The following PLK1 variants were observed in gnomAD, a reference collection of about 807,000 sequenced individuals.
PLK1 encodes the protein serine/threonine-protein kinase PLK1.
A neutral mutation model predicts 56.7 loss-of-function variants in PLK1; 6 were observed. The ratio of observed to expected loss-of-function variants is 0.11; its 90% CI spans 0.06 to 0.21. The LOEUF (loss-of-function observed/expected upper bound fraction) is 0.21. Among genes scored for constraint, PLK1 ranks in the 10% least tolerant of loss-of-function variants. The pLI is 1.00. For synonymous variants in PLK1, 298 were observed against 325.0 expected, an observed-to-expected ratio of 0.92 and a Z score of 0.89; for missense variants, 546 against 814.4, an observed-to-expected ratio of 0.67 and a Z score of 4.01.
At position 23,687,577 on chromosome 16, in the gene PLK1, A is replaced by G; in HGVS notation, c.1145A>G (p.His382Arg). ...CTCAGTGACATGCTGCAGCAGCTGC[A>G]CAGTGTCAATGCCTCCAAGCCCTCG... ...CHLSDMLQQL[H>R]SVNASKPSER... The change falls in exon 6 of 10, where the codon CAC becomes CGC. Residue 382 changes from histidine to arginine, a missense_variant. Coordinates refer to ENST00000300093, the MANE Select transcript of PLK1 (RefSeq NM_005030.6). 6.2e-7 allele frequency: 1 copy of G among 1,603,882 alleles called. No individual in the cohort carries two copies. The highest frequency in any genetic ancestry group is 8.5e-7 in the Non-Finnish European group (1 of 1,174,238).
In PLK1 at chr16:23,687,456, G is replaced by T; in HGVS notation, c.1037-13G>T. 1.9e-6 allele frequency: 3 copies of T among 1,541,146 alleles called. No individual in the cohort carries two copies. The highest frequency in any genetic ancestry group is 2.6e-6 in the Non-Finnish European group (3 of 1,133,980). ...TGCCCTTCCCAACGCCCCTGTTTTT[G>T]TCACCTTCCTAGGCTTGGAGAACCC... On this transcript the variant is annotated splice_polypyrimidine_tract_variant and intron_variant, in intron 5 of 9. Transcript: ENST00000300093.
In PLK1 at chr16:23,689,748, G is replaced by A; in HGVS notation, c.1608+72G>A. On this transcript the variant is annotated intron_variant, in intron 9 of 9. Coordinates refer to ENST00000300093, the MANE Select transcript of PLK1 (RefSeq NM_005030.6). The surrounding 1 kb of genome is among the most constrained non-coding windows in gnomAD (Gnocchi z 4.8). Reference sequence around the variant, plus strand: ...GCATGCCTGGCAGTGGCCCATGTGGGTTGAATGTGGAGTGAGCGGCTCAGG... The same window carrying A: ...GCATGCCTGGCAGTGGCCCATGTGGATTGAATGTGGAGTGAGCGGCTCAGG... The A allele has an allele frequency of 6.5e-7, 1 of 1,543,326 alleles. No individual in the cohort carries two copies. Among genetic ancestry groups the A allele is most frequent in the Admixed American group, 1.7e-5 (1 of 58,134 alleles).
At chr16:23,683,414 A>G (rs984156790) in intron 4 of PLK1, among the ~76,000 whole-genome samples, 2 of 152,208 alleles carry the variant, frequency 1.3e-5, no homozygotes, top group African/African-American at 4.8e-5. Flanking sequence ...GAGGCCTGTC[A>G]CCATAAGGAC....
In PLK1 at chr16:23,679,073, A is replaced by G. The variant is rs776851865; in HGVS notation, c.141A>G (p.Pro47=). 3 of 1,606,240 alleles carry G rather than the reference A, an allele frequency of 1.9e-6. No homozygotes were observed. Among genetic ancestry groups the G allele is most frequent in the Non-Finnish European group, 2.6e-6 (3 of 1,174,326 alleles). Residue 47 remains proline (P), a synonymous_variant, in exon 1 of 10, where the codon CCA becomes CCG. Coordinates refer to ENST00000300093, the MANE Select transcript of PLK1 (RefSeq NM_005030.6). ...AGATCCCGGAGGTCCTAGTGGACCC[A>G]CGCAGCCGGCGGCGCTATGTGCGGG... is the stretch of plus-strand genomic sequence containing the variant. ...AKEIPEVLVD[P]RSRRRYVRGR...
rs772035502 is a variant in PLK1 at position 23,689,975 on chromosome 16, A to T, written c.1724A>T (p.Glu575Val). Residue 575 changes from glutamate (E) to valine (V), a missense_variant, in exon 10 of 10, where the codon GAG becomes GTG. This residue lies in a region of PLK1 where 72 missense variants were observed against 77.9 expected (regional missense o/e 0.92). Coordinates refer to ENST00000300093, the MANE Select transcript of PLK1 (RefSeq NM_005030.6). The surrounding 1 kb of genome is among the most constrained non-coding windows in gnomAD (Gnocchi z 4.8). ...SLLEEYGCCK[E>V]LASRLRYART... Reference sequence around the variant, plus strand: ...CTGGAGGAGTACGGCTGCTGCAAGGAGCTGGCCAGCCGGCTCCGCTACGCC... The same window carrying T: ...CTGGAGGAGTACGGCTGCTGCAAGGTGCTGGCCAGCCGGCTCCGCTACGCC... The T allele has an allele frequency of 1.7e-5, 27 of 1,613,800 alleles. No individual in the cohort carries two copies. Among genetic ancestry groups the T allele is most frequent in the Non-Finnish European group, 2.1e-5 (25 of 1,179,976 alleles).
At chr16:23,684,480 G>T (rs968259074) in intron 5 of PLK1, among the ~76,000 whole-genome samples, 6 of 152,150 alleles carry the variant, frequency 3.9e-5, no homozygotes, top group African/African-American at 1.4e-4. Flanking sequence ...AGCCTCCCAA[G>T]TAGCTGGGAC....
chr16:23,687,810 T>C (rs1266253839), intron 6 of PLK1, 186 bp downstream of exon 6: 3 of 405,370 alleles, frequency 7.4e-6, no homozygotes, highest in African/African-American at 4.1e-5. Context: ...CTGATCCGTC[T>C]TTTTTACTCT....
chr16:23,681,988 C>G, intron 3 of PLK1, 76 bp from the exon 4 acceptor site: 2 of 824,116 alleles, frequency 2.4e-6, no homozygotes, highest in Non-Finnish European at 4.2e-6. Flanking sequence ...GACCTTTGTT[C>G]TGACCCTGAG....
intron 1 of PLK1, 168 bp downstream of exon 1, chr16:23,679,508 C>T (rs1315753724): frequency 4.9e-6 from 3 of 617,708 alleles, no homozygotes; most frequent in East Asian, 5.7e-5. Context: ...TTGGTAAGGG[C>T]TTCTTGGCTC....
In PLK1 at chr16:23,688,663, C is replaced by T. The variant is rs1282297169; in HGVS notation, c.1193-5C>T. The T allele has an allele frequency of 1.3e-5, 21 of 1,610,898 alleles. No homozygotes were observed. Among genetic ancestry groups the T allele is most frequent in the Non-Finnish European group, 1.7e-5 (20 of 1,177,092 alleles). ...CAACTAACTGTCTGTCTGTTTCTGT[C>T]TCAGAGGAGGCTGAGGATCCTGCCT... On this transcript the variant is annotated splice_region_variant and splice_polypyrimidine_tract_variant and intron_variant, in intron 6 of 9. Transcript: ENST00000300093.
At position 23,680,229 on chromosome 16, in the gene PLK1, A is replaced by G. The variant is rs771722070; in HGVS notation, c.554A>G (p.Asn185Ser). ...CTCAAGCTGGGCAACCTTTTCCTGA[A>G]TGAAGATCTGGAGGTGAAAATAGGT... ...RDLKLGNLFLNEDLEVKIGDF... is the reference protein window; with the variant it reads ...RDLKLGNLFLSEDLEVKIGDF... The change falls in exon 2 of 10, where the codon AAT becomes AGT. Residue 185 changes from asparagine (N) to serine (S), a missense_variant. Coordinates refer to ENST00000300093, the MANE Select transcript of PLK1 (RefSeq NM_005030.6). The G allele has an allele frequency of 2.5e-6, 4 of 1,614,060 alleles. No homozygotes were observed. Among genetic ancestry groups the G allele is most frequent in the Non-Finnish European group, 3.4e-6 (4 of 1,179,970 alleles).
In PLK1 at chr16:23,679,039, C is replaced by T. The variant is rs983282909; in HGVS notation, c.107C>T (p.Pro36Leu). ...CCCGGAGCTCCGGCGGCGGCTCCACCGGCGAAAGAGATCCCGGAGGTCCTA... is the reference window on the plus strand; with the variant it reads ...CCCGGAGCTCCGGCGGCGGCTCCACTGGCGAAAGAGATCCCGGAGGTCCTA... ...AAPGAPAAAPPAKEIPEVLVD... is the reference protein window; with the variant it reads ...AAPGAPAAAPLAKEIPEVLVD... Residue 36 changes from proline (P) to leucine (L), a missense_variant, in exon 1 of 10, where the codon CCG (proline) becomes CTG (leucine). Transcript: ENST00000300093. 3 of 1,608,392 alleles carry T rather than the reference C, an allele frequency of 1.9e-6. No homozygotes were observed. The highest frequency in any genetic ancestry group is 1.3e-5 in the African/African-American group (1 of 74,978).
At position 23,690,272 on chromosome 16, in the gene PLK1, C is replaced by G; in HGVS notation, c.*209C>G. The G allele has an allele frequency of 1.7e-6, 1 of 600,460 alleles. No individual in the cohort carries two copies. The highest frequency in any genetic ancestry group is 3.0e-6 in the Non-Finnish European group (1 of 334,942). The allele number at this position is 600,460 out of a possible 1,614,324, so 37.2% of individuals were successfully genotyped here. ...GGTTCTACAGCCTTGTCCCCCTCCC[C>G]CTCAACCCCACCATATGAATTGTAC... On this transcript the variant is annotated 3_prime_UTR_variant, in exon 10 of 10. Transcript: ENST00000300093.
rs893909934 is a variant in PLK1 at position 23,684,508 on chromosome 16, C to T, written c.1036+419C>T. On this transcript the variant is annotated intron_variant, in intron 5 of 9. Transcript: ENST00000300093. ...GCTGGGACTGTCAGGCATGCACCAC[C>T]ATGCCTGGCTGACTTTTCTAATTTT... Among the ~76,000 whole-genome samples, 33 of 151,992 alleles carry T rather than the reference C, an allele frequency of 2.2e-4. 1 individual carries two copies. The highest frequency in any genetic ancestry group is 7.2e-4 in the Admixed American group (11 of 15,260).
At chr16:23,682,990 T>TTC (rs1555465656) in intron 4 of PLK1, among the ~76,000 whole-genome samples, 2 of 131,666 alleles carry the variant, frequency 1.5e-5, no homozygotes, top group East Asian at 2.1e-4. Context: ...ATTTTCTTTT[T>TTC]TTTTTTTTTT....
Position 23,680,139 on chromosome 16 carries a change from A to T in PLK1, c.464A>T (p.Tyr155Phe). 6.2e-7 allele frequency: 1 copy of T among 1,614,016 alleles called. No individual in the cohort carries two copies. The highest frequency in any genetic ancestry group is 8.5e-7 in the Non-Finnish European group (1 of 1,179,938). The part of the protein sequence containing the change: ...RKALTEPEAR[Y>F]YLRQIVLGCQ... ...GCCCTGACTGAGCCTGAGGCCCGAT[A>T]CTACCTACGGCAAATTGTGCTTGGC... The change falls in exon 2 of 10, where the codon TAC becomes TTC. Residue 155 changes from tyrosine (Y) to phenylalanine (F), a missense_variant. Transcript: ENST00000300093.
chr16:23,679,510 T>G (rs1959296210), intron 1 of PLK1, 170 bp downstream of exon 1: 2 of 618,920 alleles, frequency 3.2e-6, no homozygotes, highest in Non-Finnish European at 5.5e-6. Context: ...GGTAAGGGCT[T>G]CTTGGCTCTG....
chr16:23,685,320 C>T (rs371893777), intron 5 of PLK1, among the ~76,000 whole-genome samples: 6 of 151,976 alleles, frequency 3.9e-5, no homozygotes, highest in African/African-American at 1.4e-4. Context: ...TTGCTGTCAC[C>T]CAGGCTGGAA....
Position 23,682,085 on chromosome 16 carries a change from A to G in PLK1, c.744A>G (p.Lys248=). Residue 248 remains lysine, a synonymous_variant, in exon 4 of 10, where the codon AAA becomes AAG. Coordinates refer to ENST00000300093, the MANE Select transcript of PLK1 (RefSeq NM_005030.6). ...GCIMYTLLVG[K]PPFETSCLKE... ...ACAGGTATACCTTGTTAGTGGGCAA[A>G]CCACCTTTTGAGACTTCTTGCCTAA... 1 of 1,606,604 alleles carries G rather than the reference A, an allele frequency of 6.2e-7. No homozygotes were observed. The highest frequency in any genetic ancestry group is 1.7e-4 in the Middle Eastern group (1 of 6,040).
Sources: gnomAD v4.1 joint callset for allele counts (sites outside exome capture counted in the v4.1 genomes callset) on GRCh38, gnomAD v4.1.1 for gene constraint, gnomAD v4.1.1 regional missense constraint, Gnocchi (gnomAD v3.1) non-coding constraint, MANE v1.5 for transcripts, NCBI Gene and HGNC (gene_info 2026-07-23, HGNC 2026-07-21) for gene names.